FOXP1: variants seen among roughly 807,000 people sequenced by gnomAD.
FOXP1 encodes forkhead box protein P1.
In FOXP1, 15 loss-of-function variants were observed where a neutral mutation model predicts 98.2. The observed-to-expected ratio is 0.15, with a 90% CI of 0.10 to 0.24. The LOEUF is 0.24. Among genes scored for constraint, FOXP1 ranks in the 10% least tolerant of loss-of-function variants. FOXP1 has a pLI of 1.00. For missense variants in FOXP1, 633 were observed against 848.5 expected, an observed-to-expected ratio of 0.75 and a Z score of 3.15; for synonymous variants, 371 against 314.5, an observed-to-expected ratio of 1.18 and a Z score of -1.90.
chr3:71,513,784 C>G (rs550206194), intron 2 of FOXP1, among the ~76,000 whole-genome samples: 27 of 152,298 alleles, frequency 1.8e-4, no homozygotes, highest in Admixed American at 2.0e-4. Flanking sequence ...GCAAGCCCAG[C>G]TGCTGAAACT....
chr3:71,438,757 C>A (rs1318556646), intron 3 of FOXP1, among the ~76,000 whole-genome samples: 11 of 149,334 alleles, frequency 7.4e-5, no homozygotes, highest in Admixed American at 2.0e-4. Flanking sequence ...AAAAAAAAAA[C>A]CAGTCTCCAT....
chr3:71,166,380 A>C (rs2061401192), intron 6 of FOXP1, among the ~76,000 whole-genome samples: 2 of 152,230 alleles, frequency 1.3e-5, no homozygotes, highest in South Asian at 4.1e-4. Context: ...CCAAAGATTC[A>C]CGCAGTTCCA....
intron 2 of FOXP1, among the ~76,000 whole-genome samples, chr3:71,576,127 A>G (rs186987915): frequency 6.6e-6 from 1 of 152,362 alleles, no homozygotes; most frequent in East Asian, 1.9e-4. Context: ...AAATTGTCCT[A>G]TAACATGCTA....
At chr3:71,544,984 T>G (rs1398881008) in intron 2 of FOXP1, among the ~76,000 whole-genome samples, 1 of 152,168 alleles carries the variant, frequency 6.6e-6, no homozygotes, top group African/African-American at 2.4e-5. Flanking sequence ...TACGCTGAAT[T>G]TGCTTCTTGA....
At chr3:71,473,291 T>C (rs147567806) in intron 3 of FOXP1, among the ~76,000 whole-genome samples, 1 of 152,212 alleles carries the variant, frequency 6.6e-6, no homozygotes, top group South Asian at 2.1e-4. Context: ...AAATTGTGGG[T>C]CAGCAAACAT....
chr3:71,276,566 G>A (rs796622344), intron 5 of FOXP1, among the ~76,000 whole-genome samples: 10 of 152,190 alleles, frequency 6.6e-5, no homozygotes, highest in African/African-American at 2.2e-4. Flanking sequence ...CTATCCATCA[G>A]TGACTGCTGC....
intron 5 of FOXP1, among the ~76,000 whole-genome samples, chr3:71,205,638 C>A: frequency 6.6e-6 from 1 of 152,096 alleles, no homozygotes; most frequent in East Asian, 1.9e-4. Flanking sequence ...AGTCGGGCCT[C>A]CCCAGGGAGG....
chr3:71,466,515 C>A (rs1298678234), intron 3 of FOXP1, among the ~76,000 whole-genome samples: 1 of 152,188 alleles, frequency 6.6e-6, no homozygotes, highest in East Asian at 1.9e-4. Context: ...AAATGACAGT[C>A]CAAGCAATGT....
chr3:71,044,080 G>A (rs2048707023), intron 10 of FOXP1, among the ~76,000 whole-genome samples: 1 of 152,138 alleles, frequency 6.6e-6, no homozygotes, highest in South Asian at 2.1e-4. Context: ...GCCATATATC[G>A]TTAGTGATGT....
At chr3:70,961,803 G>A (rs990013999) in intron 20 of FOXP1, among the ~76,000 whole-genome samples, 1 of 152,172 alleles carries the variant, frequency 6.6e-6, no homozygotes, top group Non-Finnish European at 1.5e-5. Context: ...GTGTGTGCCT[G>A]TAGTCCAAGT....
At chr3:71,367,667 C>A (rs1560379268) in intron 3 of FOXP1, among the ~76,000 whole-genome samples, 1 of 152,176 alleles carries the variant, frequency 6.6e-6, no homozygotes, top group Non-Finnish European at 1.5e-5. Flanking sequence ...TATAAACACT[C>A]TGTGTTTTCC....
intron 4 of FOXP1, among the ~76,000 whole-genome samples, chr3:71,354,684 C>G (rs1285749973): frequency 3.9e-5 from 6 of 152,198 alleles, no homozygotes; most frequent in Non-Finnish European, 8.8e-5. Flanking sequence ...AAATGAACAT[C>G]AGAAGAAAGC....
intron 4 of FOXP1, among the ~76,000 whole-genome samples, chr3:71,352,008 G>A (rs2077815139): frequency 6.6e-6 from 1 of 152,164 alleles, no homozygotes; most frequent in African/African-American, 2.4e-5. Flanking sequence ...AGCATTTGAA[G>A]AAGTCTAGTA....
intron 6 of FOXP1, among the ~76,000 whole-genome samples, chr3:71,123,387 T>C (rs142040430): frequency 0.016 from 2,446 of 152,362 alleles, 82 homozygotes; most frequent in African/African-American, 0.056. Context: ...CTGAGTTCAC[T>C]CATCTTCTCT....
intron 2 of FOXP1, among the ~76,000 whole-genome samples, chr3:71,500,017 G>A (rs1002412758): frequency 6.6e-6 from 1 of 152,112 alleles, no homozygotes; most frequent in Non-Finnish European, 1.5e-5. Flanking sequence ...GGTAAAAAAC[G>A]GTCACCAGAT....
At chr3:71,354,131 C>T (rs942015914) in intron 4 of FOXP1, among the ~76,000 whole-genome samples, 1 of 146,626 alleles carries the variant, frequency 6.8e-6, no homozygotes, top group African/African-American at 2.5e-5. Flanking sequence ...AAGGTGAAAC[C>T]CCGTCTGTAT....
chr3:71,418,376 T>A (rs2083380869), intron 3 of FOXP1, among the ~76,000 whole-genome samples: 1 of 152,172 alleles, frequency 6.6e-6, no homozygotes. Context: ...ATTTGCATAT[T>A]CTCCTGCACA....
At chr3:71,574,547 C>T (rs1198055304) in intron 2 of FOXP1, 1 of 152,112 alleles carries the variant, frequency 6.6e-6, no homozygotes, top group African/African-American at 2.4e-5. Context: ...TAGGCTATTT[C>T]CATCAATATT....
intron 18 of FOXP1, chr3:70,972,209 G>A (rs1240105722): frequency 6.7e-7 from 1 of 1,499,530 alleles, no homozygotes; most frequent in Non-Finnish European, 8.8e-7. Flanking sequence ...CAAAGGAGAT[G>A]GAGTGGCAAC....
Sources: allele counts gnomAD v4.1 joint callset (sites outside exome capture counted in the v4.1 genomes callset), GRCh38; gene constraint gnomAD v4.1.1; transcripts MANE v1.5; gene names NCBI Gene and HGNC (gene_info 2026-07-23, HGNC 2026-07-21).